BANP: variants seen among roughly 807,000 people sequenced by gnomAD.
BANP encodes the protein protein BANP.
A neutral mutation model predicts 68.1 loss-of-function variants in BANP; 11 were observed. The ratio of observed to expected loss-of-function variants is 0.16; its 90% CI spans 0.10 to 0.27. BANP has a LOEUF of 0.27. BANP is among the 10% of genes least tolerant of loss of function. BANP has a pLI of 1.00. For missense variants in BANP, 504 were observed against 722.7 expected, an observed-to-expected ratio of 0.70 and a Z score of 3.47; for synonymous variants, 329 against 303.2, an observed-to-expected ratio of 1.09 and a Z score of -0.88.
At chr16:88,076,126 G>A (rs1290324053) in intron 13 of BANP, among the ~76,000 whole-genome samples, 1 of 152,214 alleles carries the variant, frequency 6.6e-6, no homozygotes, top group Non-Finnish European at 1.5e-5. Flanking sequence ...ACCAGAACCT[G>A]TATCTTTGAG....
rs139198507 is a variant in BANP, at chr16:87,982,940, G to A, written c.163-1120G>A. On this transcript the variant is annotated intron_variant, in intron 3 of 13. Transcript: ENST00000682872. ...GTCAGCTGCAGTTATTGGGAAAGCCGTTCCGGCTCCAATGTGGGCCGGCCT... is the reference window on the plus strand; with the variant it reads ...GTCAGCTGCAGTTATTGGGAAAGCCATTCCGGCTCCAATGTGGGCCGGCCT... Among the ~76,000 whole-genome samples the A allele has an allele frequency of 4.4e-3, 676 of 152,348 alleles. 2 individuals are homozygous for A. The highest frequency in any genetic ancestry group is 7.6e-3 in the Non-Finnish European group (518 of 68,038).
chr16:87,996,853 A>G (rs115353766), intron 4 of BANP, among the ~76,000 whole-genome samples: 2,003 of 152,318 alleles, frequency 0.013, 35 homozygotes, highest in African/African-American at 0.045. Context: ...AATCTGTGAA[A>G]ACAGTTTAAA....
intron 7 of BANP, among the ~76,000 whole-genome samples, chr16:88,026,518 A>C (rs1215751336): frequency 6.6e-6 from 1 of 152,266 alleles, no homozygotes; most frequent in Non-Finnish European, 1.5e-5. Flanking sequence ...AGGGGGACAG[A>C]GTAACAGTGC....
Position 88,003,704 on chromosome 16 carries a change from C to A in BANP, c.363-591C>A. Reference sequence around the variant, plus strand: ...TAGAATCTTTTCCTTCAAAGCAGAACCCTGAGCCCTTTGGTTGTAGCTCAC... The same window carrying A: ...TAGAATCTTTTCCTTCAAAGCAGAAACCTGAGCCCTTTGGTTGTAGCTCAC... On this transcript the variant is annotated intron_variant, in intron 4 of 13. Transcript: ENST00000682872. This position sits in a 1 kb window ranked among gnomAD's most constrained non-coding sequence, Gnocchi z 6.1. The A allele has an allele frequency of 2.9e-6, 1 of 348,284 alleles. No homozygotes were observed. Among genetic ancestry groups the A allele is most frequent in the Admixed American group, 3.9e-5 (1 of 25,462 alleles). 21.6% of individuals were successfully genotyped at this position (348,284 alleles called of 1,614,324 possible).
Position 88,056,230 on chromosome 16 carries a change from C to G in BANP, c.1312-9037C>G, listed in dbSNP as rs574406123. Among the ~76,000 whole-genome samples, 20 of 152,356 alleles carry G rather than the reference C, an allele frequency of 1.3e-4. No homozygotes were observed. In the East Asian group the frequency reaches 3.3e-3, roughly 25 times the overall value. ...TGGAGTGGCTGTGGAACTCCAAGGA[C>G]TCTCTGCTTCTTTGCTTCTTGGTCT... On this transcript the variant is annotated intron_variant, in intron 11 of 13. Coordinates refer to ENST00000682872, the MANE Select transcript of BANP (RefSeq NM_001386991.1).
At position 88,030,821 on chromosome 16, in the gene BANP, T is replaced by C. The variant is rs140801337; in HGVS notation, c.1064-2288T>C. 8.7e-4 allele frequency among the ~76,000 whole-genome samples: 132 copies of C among 152,308 alleles called. 1 individual carries two copies. The highest frequency in any genetic ancestry group is 3.4e-3 in the Middle Eastern group (1 of 294). ...TGCCCTGTGGCCCCAGTGGAGTGTT[T>C]TGGAGCTGCTGGGAGAAGCTGTCCA... On this transcript the variant is annotated intron_variant, in intron 8 of 13. Transcript: ENST00000682872.
At chr16:88,046,058 C>G (rs2081953275) in intron 11 of BANP, among the ~76,000 whole-genome samples, 3 of 152,232 alleles carry the variant, frequency 2.0e-5, no homozygotes, top group Non-Finnish European at 4.4e-5. Flanking sequence ...AAAAACTGAC[C>G]ACACTGGCAC....
In BANP at chr16:88,018,318, G is replaced by C; in HGVS notation, c.656-110G>C. ...TCACAAGTTACGAGGGATTTGCCCA[G>C]CCCTGCGTGGAGCATCTTTCCCGAC... is the stretch of plus-strand genomic sequence containing the variant. On this transcript the variant is annotated intron_variant, in intron 6 of 13. Transcript: ENST00000682872. This position sits in a 1 kb window ranked among gnomAD's most constrained non-coding sequence, Gnocchi z 7.7. 7.2e-7 allele frequency: 1 copy of C among 1,383,526 alleles called. No homozygotes were observed. The highest frequency in any genetic ancestry group is 9.9e-7 in the Non-Finnish European group (1 of 1,012,400). 85.7% of individuals were successfully genotyped at this position (1,383,526 alleles called of 1,614,324 possible). A position where few individuals can be genotyped will look rare whatever the true frequency, so the allele number is the denominator to read the frequency against.
At position 88,018,156 on chromosome 16, in the gene BANP, G is replaced by A. The variant is rs1318972985; in HGVS notation, c.656-272G>A. 2.6e-5 allele frequency among the ~76,000 whole-genome samples: 4 copies of A among 152,040 alleles called. No individual in the cohort carries two copies. The highest frequency in any genetic ancestry group is 2.9e-5 in the Non-Finnish European group (2 of 68,008). On this transcript the variant is annotated intron_variant, in intron 6 of 13. Coordinates refer to ENST00000682872, the MANE Select transcript of BANP (RefSeq NM_001386991.1). The surrounding 1 kb of genome is among the most constrained non-coding windows in gnomAD (Gnocchi z 7.7). ...TCCAGGGTGAGCAGAGTGTGTGACC[G>A]TGTTGGCGCTCAGGTCCCGAGGCCC... is the stretch of plus-strand genomic sequence containing the variant.
intron 7 of BANP, among the ~76,000 whole-genome samples, chr16:88,020,721 G>C (rs1366030815): frequency 1.3e-5 from 2 of 152,242 alleles, no homozygotes; most frequent in Non-Finnish European, 1.5e-5. Context: ...AGGAGTCCCT[G>C]CTCCTCGGGG....
At chr16:88,040,911 C>G (rs1334713685) in intron 11 of BANP, among the ~76,000 whole-genome samples, 1 of 152,230 alleles carries the variant, frequency 6.6e-6, no homozygotes, top group African/African-American at 2.4e-5. Context: ...CCTTCTGATT[C>G]CCTAGTTCCA....
chr16:88,028,438 G>C (rs1053333191), intron 8 of BANP, among the ~76,000 whole-genome samples: 3 of 152,210 alleles, frequency 2.0e-5, no homozygotes, highest in Admixed American at 1.3e-4. Context: ...TTTCTGAACC[G>C]GACTTCAGGA....
chr16:87,988,899 CTG>C (rs1201491510), intron 4 of BANP, among the ~76,000 whole-genome samples: 3 of 152,238 alleles, frequency 2.0e-5, no homozygotes, highest in African/African-American at 4.8e-5. Flanking sequence ...GGCCCCCTCT[CTG>C]TGTGTTGAAA....
intron 7 of BANP, among the ~76,000 whole-genome samples, chr16:88,023,800 C>T (rs1273208545): frequency 1.3e-5 from 2 of 152,198 alleles, no homozygotes; most frequent in Non-Finnish European, 2.9e-5. Flanking sequence ...CTCTTTAGCT[C>T]TTTGGGGACT....
intron 11 of BANP, among the ~76,000 whole-genome samples, chr16:88,040,166 T>A (rs1478149830): frequency 6.6e-6 from 1 of 152,138 alleles, no homozygotes; most frequent in Non-Finnish European, 1.5e-5. Flanking sequence ...AACTGCTGTG[T>A]GATTTAAAGA....
chr16:88,001,277 C>G (rs1029744661), intron 4 of BANP, among the ~76,000 whole-genome samples: 1 of 101,726 alleles, frequency 9.8e-6, no homozygotes, highest in Non-Finnish European at 1.9e-5. Flanking sequence ...TCCAGACACC[C>G]AGACACGTCA....
At chr16:87,964,146 C>G (rs2059646151) in intron 1 of BANP, among the ~76,000 whole-genome samples, 1 of 152,234 alleles carries the variant, frequency 6.6e-6, no homozygotes, top group South Asian at 2.1e-4. Context: ...GCACAACACA[C>G]TTTGAAAACC....
chr16:87,984,051 C>G lies in BANP; in HGVS notation c.163-9C>G. ...ACCCTTCCTAAAGCCGGTCTTTTTTCACTTCCAGTCATTCCTGTATTCCAT... is the reference window on the plus strand; with the variant it reads ...ACCCTTCCTAAAGCCGGTCTTTTTTGACTTCCAGTCATTCCTGTATTCCAT... On this transcript the variant is annotated splice_polypyrimidine_tract_variant and intron_variant, in intron 3 of 13. Coordinates refer to ENST00000682872, the MANE Select transcript of BANP (RefSeq NM_001386991.1). 6.2e-7 allele frequency: 1 copy of G among 1,613,498 alleles called. No individual in the cohort carries two copies. Among genetic ancestry groups the G allele is most frequent in the Non-Finnish European group, 8.5e-7 (1 of 1,179,720 alleles).
intron 6 of BANP, among the ~76,000 whole-genome samples, chr16:88,010,296 T>TA (rs1228540194): frequency 6.6e-6 from 1 of 152,252 alleles, no homozygotes; most frequent in African/African-American, 2.4e-5. Flanking sequence ...TGATAATTCT[T>TA]ACAAAACGTG....
Sources: gnomAD v4.1 joint callset for allele counts (sites outside exome capture counted in the v4.1 genomes callset) on GRCh38, gnomAD v4.1.1 for gene constraint, Gnocchi (gnomAD v3.1) non-coding constraint, MANE v1.5 for transcripts, NCBI Gene and HGNC (gene_info 2026-07-23, HGNC 2026-07-21) for gene names.